RIC3: variants seen among roughly 807,000 people sequenced by gnomAD.
The protein encoded by RIC3 is protein RIC-3.
A neutral mutation model predicts 27.3 loss-of-function variants in RIC3; 28 were observed. The observed-to-expected ratio is 1.02, with a 90% CI of 0.76 to 1.41. RIC3 has a LOEUF of 1.41. Among genes scored for constraint, RIC3 ranks in the 40% most tolerant of loss-of-function variants. The pLI is 0.00. For missense variants in RIC3, 501 were observed against 444.7 expected (o/e 1.13, Z -1.14); for synonymous variants, 184 against 160.4 (o/e 1.15, Z -1.11).
At chr11:8,140,231 T>G (rs747643777) in intron 1 of RIC3, 38 bp from the exon 2 acceptor site, 1 of 1,556,196 alleles carries the variant, frequency 6.4e-7, no homozygotes, top group Admixed American at 1.8e-5. Flanking sequence ...TCTTCTACTA[T>G]TTTAAAGATG....
chr11:8,096,558 A>G, the RIC3 span: 1 of 715,658 alleles, frequency 1.4e-6, no homozygotes, highest in East Asian at 2.5e-5. Context: ...TATGGCTAAG[A>G]GTGTGTGCAT....
chr11:8,109,047 A>G lies in RIC3; in HGVS notation c.*1651T>C, dbSNP rs1457734010. 6.6e-6 allele frequency: 1 copy of G among 152,238 alleles called. No homozygotes were observed. The highest frequency in any genetic ancestry group is 6.5e-5 in the Admixed American group (1 of 15,292). The allele number at this position is 152,238 out of a possible 1,614,324, so 9.4% of individuals were successfully genotyped here. A position where few individuals can be genotyped will look rare whatever the true frequency, so the allele number is the denominator to read the frequency against. On this transcript the variant is annotated 3_prime_UTR_variant, in exon 6 of 6. Transcript: ENST00000309737. Reference sequence around the variant, plus strand: ...ACTGCATTCTTCACAATGTGAATCAAATGTTCTACACAGAGATAGATGCAA... The same window carrying G: ...ACTGCATTCTTCACAATGTGAATCAGATGTTCTACACAGAGATAGATGCAA...
chr11:8,101,547 C>T (rs150185181), downstream of RIC3: 58 of 1,614,140 alleles, frequency 3.6e-5, no homozygotes, highest in African/African-American at 6.7e-4. Flanking sequence ...TGGATTACAA[C>T]TACCCGCTGT....
chr11:8,111,961 A>G lies in RIC3; in HGVS notation c.671-824T>C, dbSNP rs548935489. Among the ~76,000 whole-genome samples the G allele has an allele frequency of 6.6e-5, 10 of 152,374 alleles. No homozygotes were observed. The South Asian group carries it at 1.9e-3, about 28-fold the overall frequency. Reference sequence around the variant, plus strand: ...GCACCAGCGGCCGTAATCACGATACAGTGCAGAAAGCTGGAGGATTCAGAA... The same window carrying G: ...GCACCAGCGGCCGTAATCACGATACGGTGCAGAAAGCTGGAGGATTCAGAA... On this transcript the variant is annotated intron_variant, in intron 5 of 5. Transcript: ENST00000309737.
chr11:8,125,652 T>C (rs1429769785), intron 5 of RIC3, among the ~76,000 whole-genome samples: 6 of 152,190 alleles, frequency 3.9e-5, no homozygotes, highest in Admixed American at 3.9e-4. Context: ...ACCAAGGATG[T>C]GGAGGAACTT....
chr11:8,157,473 C>G (rs767135665), intron 1 of RIC3, among the ~76,000 whole-genome samples: 18 of 152,200 alleles, frequency 1.2e-4, no homozygotes, highest in South Asian at 2.1e-4. Context: ...CCACAATTCC[C>G]CATGGTGTGC....
chr11:8,160,327 T>C lies in RIC3; in HGVS notation c.124+8539A>G, dbSNP rs138189299. ...CTGAAGCAGGATGATATGGATTCAT[T>C]TTACTACTCTCTCAACTTTTGCTTA... On this transcript the variant is annotated intron_variant, in intron 1 of 5. Coordinates refer to ENST00000309737, the MANE Select transcript of RIC3 (RefSeq NM_001206671.4). 1.6e-4 allele frequency among the ~76,000 whole-genome samples: 25 copies of C among 152,348 alleles called. 1 individual carries two copies. In the East Asian group the frequency reaches 2.3e-3, roughly 14 times the overall value.
At chr11:8,122,522 T>C (rs1032628878) in intron 5 of RIC3, among the ~76,000 whole-genome samples, 1 of 152,082 alleles carries the variant, frequency 6.6e-6, no homozygotes. Context: ...AGTTCTTGGC[T>C]ATTGAAATTA....
At position 8,106,686 on chromosome 11, in the gene RIC3, A is replaced by C. The variant is rs1046882685; in HGVS notation, c.*4012T>G. The C allele has an allele frequency of 0.013, 5 of 384 alleles. No individual in the cohort carries two copies. The highest frequency in any genetic ancestry group is 0.078 in the African/African-American group (5 of 64). 0.0% of individuals were successfully genotyped at this position (384 alleles called of 1,614,324 possible). ...AAACAGGACCTCGAGATGCTTAGGA[A>C]TCTTTTTTTGTTGCCGGGCAGCTGT... On this transcript the variant is annotated 3_prime_UTR_variant, in exon 6 of 6. Coordinates refer to ENST00000309737, the MANE Select transcript of RIC3 (RefSeq NM_001206671.4).
At chr11:8,123,471 GGAT>G (rs1946683834) in intron 5 of RIC3, among the ~76,000 whole-genome samples, 1 of 152,072 alleles carries the variant, frequency 6.6e-6, no homozygotes, top group Non-Finnish European at 1.5e-5. Flanking sequence ...AGATCAACAA[GGAT>G]GATAAACCTC....
chr11:8,101,760 C>T, downstream of RIC3: 4 of 1,412,524 alleles, frequency 2.8e-6, no homozygotes, highest in Non-Finnish European at 3.7e-6. Flanking sequence ...CTGGCCCAGC[C>T]AGCCAGGAAC....
Position 8,120,642 on chromosome 11 carries a change from G to C in RIC3, c.670+6017C>G, listed in dbSNP as rs187198963. ...GTATACCTATGTAACAAACCTGCAC[G>C]TTGTACACATGTACCCTAGAACTTA... On this transcript the variant is annotated intron_variant, in intron 5 of 5. Transcript: ENST00000309737. Among the ~76,000 whole-genome samples the C allele has an allele frequency of 6.3e-3, 953 of 151,838 alleles. 22 individuals are homozygous for C. Among genetic ancestry groups the C allele is most frequent in the Admixed American group, 0.051 (780 of 15,252 alleles).
In RIC3 at chr11:8,151,585, C is replaced by CA. The variant is rs60087055; in HGVS notation, c.125-11393dup. Reference sequence around the variant, plus strand: ...TGGGCGACAGAGTGAAACTCCGTCTCAAAAAAAAAAAAAAGACAAATAAAC... The same window carrying CA: ...TGGGCGACAGAGTGAAACTCCGTCTCAAAAAAAAAAAAAAAGACAAATAAAC... On this transcript the variant is annotated intron_variant, in intron 1 of 5. Coordinates refer to ENST00000309737, the MANE Select transcript of RIC3 (RefSeq NM_001206671.4). Among the ~76,000 whole-genome samples, 143 of 61,676 alleles carry CA rather than the reference C, an allele frequency of 2.3e-3. 7 individuals carry two copies. Among genetic ancestry groups the CA allele is most frequent in the African/African-American group, 5.4e-3 (50 of 9,234 alleles). 40.5% of individuals were successfully genotyped at this position (61,676 alleles called of 152,430 possible).
chr11:8,135,074 T>C (rs919199375), intron 4 of RIC3, among the ~76,000 whole-genome samples: 1 of 152,198 alleles, frequency 6.6e-6, no homozygotes, highest in Non-Finnish European at 1.5e-5. Flanking sequence ...TCCACGCCTA[T>C]GGTATTGCCT....
At chr11:8,149,132 G>C (rs1949997115) in intron 1 of RIC3, among the ~76,000 whole-genome samples, 1 of 151,714 alleles carries the variant, frequency 6.6e-6, no homozygotes, top group Admixed American at 6.6e-5. Context: ...GGCGGAGCTT[G>C]CAGTGTGCCA....
the RIC3 span, chr11:8,096,576 T>G: frequency 5.3e-6 from 4 of 760,776 alleles, no homozygotes; most frequent in Admixed American, 3.5e-5. Flanking sequence ...CATAAGTTTG[T>G]GGGGGTACAG....
At chr11:8,100,149 G>A in the RIC3 span, among the ~76,000 whole-genome samples, 1 of 152,202 alleles carries the variant, frequency 6.6e-6, no homozygotes, top group East Asian at 1.9e-4. Context: ...AGCTAGTGGT[G>A]AAAAGTGGTG....
chr11:8,127,928 G>A (rs1207968922), intron 4 of RIC3, among the ~76,000 whole-genome samples: 1 of 152,180 alleles, frequency 6.6e-6, no homozygotes, highest in East Asian at 1.9e-4. Context: ...GATAGTAACT[G>A]AGGAAAATGA....
At position 8,110,587 on chromosome 11, in the gene RIC3, A is replaced by G. The variant is rs983472514; in HGVS notation, c.*111T>C. On this transcript the variant is annotated 3_prime_UTR_variant, in exon 6 of 6. Transcript: ENST00000309737. ...TATCCATGATAGTGGCCTGATAGCT[A>G]TGACACTTGAACACAGTGAAGAAAG... 3 of 943,574 alleles carry G rather than the reference A, an allele frequency of 3.2e-6. No individual in the cohort carries two copies. The highest frequency in any genetic ancestry group is 3.2e-5 in the African/African-American group (2 of 62,194). The allele number at this position is 943,574 out of a possible 1,614,324, so 58.5% of individuals were successfully genotyped here.
Sources: gnomAD v4.1 joint callset for allele counts (sites outside exome capture counted in the v4.1 genomes callset) on GRCh38, gnomAD v4.1.1 for gene constraint, MANE v1.5 for transcripts, NCBI Gene and HGNC (gene_info 2026-07-23, HGNC 2026-07-21) for gene names.